SLC67A1: variants seen among roughly 807,000 people sequenced by gnomAD.
SLC67A1 encodes the protein solute carrier family 67 member 1.
chr11:2,923,106 T>G, the SLC67A1 span, among the ~76,000 whole-genome samples: 1 of 152,188 alleles, frequency 6.6e-6, no homozygotes, highest in Non-Finnish European at 1.5e-5. The surrounding 1 kb of genome is among the most constrained non-coding windows in gnomAD (Gnocchi z 6.5). Flanking sequence ...TCATGCAGAC[T>G]GGGGGTGTCC....
chr11:2,907,812 C>T, the SLC67A1 span, among the ~76,000 whole-genome samples: 1 of 152,210 alleles, frequency 6.6e-6, no homozygotes, highest in Non-Finnish European at 1.5e-5. The surrounding 1 kb of genome is among the most constrained non-coding windows in gnomAD (Gnocchi z 6.7). Context: ...CCTCACAGAG[C>T]AGACTGTGTC....
the SLC67A1 span, chr11:2,921,886 A>G: frequency 3.4e-6 from 2 of 580,468 alleles, no homozygotes; most frequent in Non-Finnish European, 6.2e-6. Flanking sequence ...AGGAGCCCCG[A>G]CTCCTCAGGG....
the SLC67A1 span, among the ~76,000 whole-genome samples, chr11:2,901,515 A>G: frequency 3.9e-5 from 6 of 152,162 alleles, no homozygotes. Context: ...CTCCCTACTT[A>G]GTGACAGTCA....
At chr11:2,919,726 CCCG>C in the SLC67A1 span, 7 of 394,658 alleles carry the variant, frequency 1.8e-5, no homozygotes, top group South Asian at 2.6e-4. Context: ...GGCCAAAGTG[CCCG>C]CCTTGCAGGG....
At chr11:2,922,378 G>A in the SLC67A1 span, 4 of 1,589,910 alleles carry the variant, frequency 2.5e-6, no homozygotes, top group African/African-American at 1.3e-5. Flanking sequence ...TAAGACCCCA[G>A]AGAGGAGCCT....
chr11:2,899,692 G>A, the SLC67A1 span: 1 of 1,514,808 alleles, frequency 6.6e-7, no homozygotes, highest in Non-Finnish European at 8.9e-7. Context: ...GAACCAGGAA[G>A]TTCCCCCATT....
At chr11:2,919,362 C>A in the SLC67A1 span, 5 of 1,613,784 alleles carry the variant, frequency 3.1e-6, no homozygotes, top group African/African-American at 6.7e-5. Flanking sequence ...AGCTGGAGGC[C>A]GCCCAAGCTG....
At chr11:2,916,276 C>T in the SLC67A1 span, 1 of 269,952 alleles carries the variant, frequency 3.7e-6, no homozygotes, top group African/African-American at 2.2e-5. Context: ...TTTGGAGCCT[C>T]TCCTGACCTT....
chr11:2,925,212 C>G, the SLC67A1 span: 1 of 1,608,620 alleles, frequency 6.2e-7, no homozygotes, highest in Middle Eastern at 1.7e-4. The surrounding 1 kb of genome is among the most constrained non-coding windows in gnomAD (Gnocchi z 6.5). Context: ...TGCCCAGACA[C>G]AGACTGGCAA....
At chr11:2,923,200 T>G in the SLC67A1 span, among the ~76,000 whole-genome samples, 2 of 152,202 alleles carry the variant, frequency 1.3e-5, no homozygotes, top group African/African-American at 4.8e-5. This position sits in a 1 kb window ranked among gnomAD's most constrained non-coding sequence, Gnocchi z 6.5. Context: ...TCCTGTGGGC[T>G]GGTTGAGGTC....
chr11:2,908,307 G>C, the SLC67A1 span: 1 of 1,613,654 alleles, frequency 6.2e-7, no homozygotes, highest in Non-Finnish European at 8.5e-7. Flanking sequence ...TGCTGCAGCT[G>C]CTGGGCGGGC....
At chr11:2,923,365 TCCACC>T in the SLC67A1 span, among the ~76,000 whole-genome samples, 1 of 88,996 alleles carries the variant, frequency 1.1e-5, no homozygotes, top group Admixed American at 1.1e-4. The surrounding 1 kb of genome is among the most constrained non-coding windows in gnomAD (Gnocchi z 6.5). Flanking sequence ...TGACACTCCA[TCCACC>T]TGCCTGTCTG....
the SLC67A1 span, among the ~76,000 whole-genome samples, chr11:2,911,412 G>A: frequency 1.7e-3 from 253 of 152,012 alleles, 1 homozygote; most frequent in Middle Eastern, 0.01. Flanking sequence ...CAGCAGGGAC[G>A]GCTCACCCTG....
At chr11:2,903,207 C>G in the SLC67A1 span, 1 of 1,503,882 alleles carries the variant, frequency 6.6e-7, no homozygotes, top group Non-Finnish European at 8.8e-7. Context: ...GCTGTCCTCT[C>G]TTGCAGGCAA....
chr11:2,908,092 G>A, the SLC67A1 span: 5 of 609,886 alleles, frequency 8.2e-6, no homozygotes, highest in African/African-American at 1.9e-5. Context: ...CCCCTGGGAA[G>A]GGCCCCTCGA....
the SLC67A1 span, chr11:2,908,336 G>A: frequency 6.6e-7 from 1 of 1,522,786 alleles, no homozygotes. Flanking sequence ...GGCAGGTACA[G>A]TGTGTGTGTG....
chr11:2,914,886 C>T, the SLC67A1 span: 6 of 985,314 alleles, frequency 6.1e-6, no homozygotes, highest in Admixed American at 6.1e-5. Context: ...GTCCCTCCTG[C>T]GCCATACATC....
At chr11:2,905,839 C>G in the SLC67A1 span, among the ~76,000 whole-genome samples, 1 of 152,170 alleles carries the variant, frequency 6.6e-6, no homozygotes, top group Non-Finnish European at 1.5e-5. Context: ...ATTGCCACCC[C>G]CTCAAAAGGG....
the SLC67A1 span, among the ~76,000 whole-genome samples, chr11:2,911,634 C>T: frequency 6.6e-6 from 1 of 152,160 alleles, no homozygotes; most frequent in South Asian, 2.1e-4. Flanking sequence ...GCTGCCGCCT[C>T]CTTCCCTGGC....
Sources: gnomAD v4.1 joint callset for allele counts (sites outside exome capture counted in the v4.1 genomes callset) on GRCh38, gnomAD v4.1.1 for gene constraint, Gnocchi (gnomAD v3.1) non-coding constraint, MANE v1.5 for transcripts, NCBI Gene and HGNC (gene_info 2026-07-23, HGNC 2026-07-21) for gene names.